ZNF574: variants seen among roughly 807,000 people sequenced by gnomAD.
ZNF574 encodes the protein zinc finger protein 574.
In ZNF574, 25 loss-of-function variants were observed where a neutral mutation model predicts 56.6. That is an observed-to-expected ratio of 0.44 (90% CI 0.32 to 0.62). The LOEUF (loss-of-function observed/expected upper bound fraction) is 0.62. ZNF574 is among the 20% of genes least tolerant of loss of function. The pLI is 0.04. For missense variants in ZNF574, 1,065 were observed against 1,218.9 expected (o/e 0.87, Z 1.88); for synonymous variants, 543 against 492.1 (o/e 1.10, Z -1.37).
At chr19:42,076,386 G>A (rs1489180841) in intron 1 of ZNF574, 100 bp downstream of exon 1, 1 of 151,974 alleles carries the variant, frequency 6.6e-6, no homozygotes, top group African/African-American at 2.4e-5. Flanking sequence ...CTGAGGGGGT[G>A]CGCGCCGGGC....
upstream of ZNF574, among the ~76,000 whole-genome samples, chr19:42,072,910 G>T (rs1433172112): frequency 6.6e-6 from 1 of 152,246 alleles, no homozygotes; most frequent in Non-Finnish European, 1.5e-5. Flanking sequence ...TTCAGCAGAA[G>T]CAAGAATCTG....
chr19:42,076,573 C>T (rs865845836), intron 1 of ZNF574, among the ~76,000 whole-genome samples: 3 of 152,106 alleles, frequency 2.0e-5, no homozygotes, highest in African/African-American at 7.2e-5. Flanking sequence ...GGCCTCAGAG[C>T]TGTCCCAAGA....
rs1352050546 is a variant in ZNF574 at position 42,078,599 on chromosome 19, C to T, written c.-8C>T. On this transcript the variant is annotated 5_prime_UTR_variant, in exon 2 of 2. Transcript: ENST00000359044. ...TCTCCTCTTCCAGCCCAGGGCCTTG[C>T]TGCCGCCATGACTGAGGAATCAGAG... 1.2e-6 allele frequency: 2 copies of T among 1,604,422 alleles called. No homozygotes were observed. Among genetic ancestry groups the T allele is most frequent in the Non-Finnish European group, 1.7e-6 (2 of 1,172,928 alleles).
In ZNF574 at chr19:42,078,855, A is replaced by C; in HGVS notation, c.249A>C (p.Gln83His). Residue 83 changes from glutamine to histidine, a missense_variant, in exon 2 of 2, where the codon CAA (glutamine) becomes CAC (histidine). Gln to His is a conservative substitution (Grantham distance 24). Coordinates refer to ENST00000359044, the MANE Select transcript of ZNF574 (RefSeq NM_022752.6). ...AGTACCAGTGCCTGGAGTGTGGTCA[A>C]CTGCTGATGTCACCCAGCCAGCTCC... The part of the protein sequence containing the change: ...ESQYQCLECG[Q>H]LLMSPSQLLE... The C allele has an allele frequency of 6.2e-7, 1 of 1,614,074 alleles. No homozygotes were observed. Among genetic ancestry groups the C allele is most frequent in the Non-Finnish European group, 8.5e-7 (1 of 1,179,960 alleles).
At chr19:42,074,580 CTGT>C (rs373533552), upstream of ZNF574, 69 of 152,254 alleles carry the variant, frequency 4.5e-4, no homozygotes, top group South Asian at 0.012. Context: ...TGAAATGGGG[CTGT>C]TATTAGCCCC....
chr19:42,072,659 G>C (rs546904267), upstream of ZNF574, among the ~76,000 whole-genome samples: 1 of 150,842 alleles, frequency 6.6e-6, no homozygotes, highest in Non-Finnish European at 1.5e-5. Flanking sequence ...CTCCGCCTCC[G>C]GGGTTCAAGT....
chr19:42,080,521 C>G lies in ZNF574; in HGVS notation c.1915C>G (p.Pro639Ala). Residue 639 changes from proline (P) to alanine (A), a missense_variant, in exon 2 of 2, where the codon CCA (proline) becomes GCA (alanine). Pro to Ala is a conservative substitution (Grantham distance 27). Transcript: ENST00000359044. The surrounding 1 kb of genome is among the most constrained non-coding windows in gnomAD (Gnocchi z 8.5). ...TGCCGGGCGCCAGCCCCACCGCTGCCCATCCTGTGGGGCTGCCTTCCCCTC... is the reference window on the plus strand; with the variant it reads ...TGCCGGGCGCCAGCCCCACCGCTGCGCATCCTGTGGGGCTGCCTTCCCCTC... Reference protein sequence around the residue: ...VHAGRQPHRCPSCGAAFPSSL... With the variant: ...VHAGRQPHRCASCGAAFPSSL... 6.2e-7 allele frequency: 1 copy of G among 1,613,604 alleles called. No individual in the cohort carries two copies.
chr19:42,072,715 C>T (rs951878439), upstream of ZNF574, among the ~76,000 whole-genome samples: 2 of 152,278 alleles, frequency 1.3e-5, no homozygotes, highest in African/African-American at 4.8e-5. Context: ...TACAGGCATG[C>T]ACCACCATGC....
At chr19:42,072,548 C>A (rs564787554), upstream of ZNF574, among the ~76,000 whole-genome samples, 3 of 150,838 alleles carry the variant, frequency 2.0e-5, no homozygotes, top group African/African-American at 4.9e-5. Context: ...GTTTTCTTTT[C>A]TTTTATTTTT....
At chr19:42,074,265 G>A (rs143371203), upstream of ZNF574, among the ~76,000 whole-genome samples, 41 of 151,980 alleles carry the variant, frequency 2.7e-4, no homozygotes, top group East Asian at 7.7e-3. Flanking sequence ...GACCATCCTG[G>A]CCAACACGGT....
intron 1 of ZNF574, chr19:42,068,973 C>A: frequency 1.7e-6 from 1 of 581,188 alleles, no homozygotes; most frequent in Non-Finnish European, 3.1e-6. Context: ...TAAGTGAGAG[C>A]CCAAGTAAGA....
chr19:42,074,505 A>T (rs369134299), upstream of ZNF574, among the ~76,000 whole-genome samples: 1 of 148,474 alleles, frequency 6.7e-6, no homozygotes, highest in Non-Finnish European at 1.5e-5. Flanking sequence ...TAAAATAAAA[A>T]TAAAATGAGT....
chr19:42,080,058 CCAA>C lies in ZNF574; in HGVS notation c.1454_1456del (p.Gln485del). ...GAAAGGCCTTGCAGCTGACCCGGCACCAACGTTTTGTGCATCGGCTGGAGCGGC... is the reference window on the plus strand; with the variant it reads ...GAAAGGCCTTGCAGCTGACCCGGCACCGTTTTGTGCATCGGCTGGAGCGGC... On this transcript the variant is annotated inframe_deletion, in exon 2 of 2. Transcript: ENST00000359044. The surrounding 1 kb of genome is among the most constrained non-coding windows in gnomAD (Gnocchi z 8.5). 1 of 1,614,176 alleles carries C rather than the reference CCAA, an allele frequency of 6.2e-7. No individual in the cohort carries two copies. The highest frequency in any genetic ancestry group is 8.5e-7 in the Non-Finnish European group (1 of 1,180,040).
intron 1 of ZNF574, among the ~76,000 whole-genome samples, chr19:42,076,552 C>T (rs528645243): frequency 6.6e-6 from 1 of 151,188 alleles, no homozygotes; most frequent in Non-Finnish European, 1.5e-5. Context: ...GGCACCTGGG[C>T]GGGAAGGGGA....
upstream of ZNF574, among the ~76,000 whole-genome samples, chr19:42,073,440 T>C (rs1409211748): frequency 1.3e-5 from 2 of 151,550 alleles, no homozygotes; most frequent in African/African-American, 4.9e-5. Flanking sequence ...AATCCCACCA[T>C]TTTGGGAGGC....
At chr19:42,072,690 C>T (rs1342623068), upstream of ZNF574, among the ~76,000 whole-genome samples, 2 of 152,158 alleles carry the variant, frequency 1.3e-5, no homozygotes, top group Non-Finnish European at 1.5e-5. Flanking sequence ...CCTCAGCCTC[C>T]CGCGTAGCTG....
At chr19:42,074,505 A>G (rs369134299), upstream of ZNF574, among the ~76,000 whole-genome samples, 1 of 148,474 alleles carries the variant, frequency 6.7e-6, no homozygotes, top group Admixed American at 6.7e-5. Flanking sequence ...TAAAATAAAA[A>G]TAAAATGAGT....
chr19:42,077,746 A>G (rs2076465806), intron 1 of ZNF574, among the ~76,000 whole-genome samples: 1 of 152,016 alleles, frequency 6.6e-6, no homozygotes, highest in African/African-American at 2.4e-5. Flanking sequence ...CGAAGCGGGG[A>G]GGAGTAGGCT....
intron 1 of ZNF574, chr19:42,071,086 A>T (rs1177468085): frequency 1.3e-5 from 2 of 152,540 alleles, no homozygotes; most frequent in Non-Finnish European, 2.9e-5. Context: ...GGTGGAGAGA[A>T]GGGGCCCTCA....
Sources: gnomAD v4.1 joint callset for allele counts (sites outside exome capture counted in the v4.1 genomes callset) on GRCh38, gnomAD v4.1.1 for gene constraint, Gnocchi (gnomAD v3.1) non-coding constraint, MANE v1.5 for transcripts, NCBI Gene and HGNC (gene_info 2026-07-23, HGNC 2026-07-21) for gene names.